The following BCAT1 variants were observed in gnomAD, a reference collection of about 807,000 sequenced individuals.
BCAT1 encodes branched chain amino acid transaminase 1.
BCAT1 carries 48 observed loss-of-function variants against 52.4 expected under a neutral mutation model. The observed-to-expected ratio is 0.92, with a 90% CI of 0.73 to 1.16. The LOEUF is 1.16. BCAT1 is among the 50% of genes most tolerant of loss of function. The pLI is 0.00. For synonymous variants in BCAT1, 167 were observed against 161.3 expected (o/e 1.04, Z -0.27); for missense variants, 451 against 457.1 (o/e 0.99, Z 0.12).
chr12:24,865,786 C>T (rs1203133815), intron 5 of BCAT1, among the ~76,000 whole-genome samples: 1 of 152,130 alleles, frequency 6.6e-6, no homozygotes, highest in Non-Finnish European at 1.5e-5. Flanking sequence ...AGTAAGAGAC[C>T]AAATTTAATT....
At chr12:24,835,551 TTTTATTTATTTATTTA>T (rs67156404) in intron 8 of BCAT1, among the ~76,000 whole-genome samples, 31,519 of 146,488 alleles carry the variant, frequency 0.22, 4,132 homozygotes, top group Non-Finnish European at 0.3. Flanking sequence ...TTAAATTTTA[TTTTATTTATTTATTTA>T]TTTATTTATT....
intron 1 of BCAT1, among the ~76,000 whole-genome samples, chr12:24,909,589 C>T (rs1348199367): frequency 1.3e-5 from 2 of 152,144 alleles, no homozygotes; most frequent in African/African-American, 4.8e-5. Context: ...GAGAATCCTA[C>T]CTTTCTTCTT....
intron 1 of BCAT1, among the ~76,000 whole-genome samples, chr12:24,947,741 GA>G: frequency 6.6e-6 from 1 of 152,176 alleles, no homozygotes; most frequent in Non-Finnish European, 1.5e-5. Context: ...ACATGGACAG[GA>G]AAAAGCTGGA....
chr12:24,885,846 T>C (rs1176373734), intron 3 of BCAT1, among the ~76,000 whole-genome samples: 2 of 152,080 alleles, frequency 1.3e-5, no homozygotes, highest in Non-Finnish European at 2.9e-5. Context: ...AAAAAATAAA[T>C]TGGGCCCTTA....
intron 10 of BCAT1, 74 bp from the exon 11 acceptor site, chr12:24,818,123 T>C: frequency 4.8e-6 from 7 of 1,455,834 alleles, no homozygotes; most frequent in Non-Finnish European, 6.7e-6. Context: ...ACAAACTTAA[T>C]ACCGCCAAGG....
intron 5 of BCAT1, among the ~76,000 whole-genome samples, chr12:24,859,384 G>A (rs2139509021): frequency 6.6e-6 from 1 of 152,266 alleles, no homozygotes. Context: ...ACTTTGGGAG[G>A]CTGAGGCGGG....
At chr12:24,900,761 A>G (rs933974547) in intron 2 of BCAT1, among the ~76,000 whole-genome samples, 4 of 152,126 alleles carry the variant, frequency 2.6e-5, no homozygotes, top group African/African-American at 9.7e-5. Flanking sequence ...TGATAACCCC[A>G]TCTCTACTAA....
At chr12:24,888,157 A>G (rs1365601400) in intron 3 of BCAT1, among the ~76,000 whole-genome samples, 1 of 152,162 alleles carries the variant, frequency 6.6e-6, no homozygotes. Flanking sequence ...AATATTTGGG[A>G]AGAAACTCTT....
intron 5 of BCAT1, among the ~76,000 whole-genome samples, chr12:24,864,189 A>G (rs183244978): frequency 1.3e-5 from 2 of 152,334 alleles, no homozygotes; most frequent in Non-Finnish European, 2.9e-5. Flanking sequence ...AGAAAATGCT[A>G]CAGGATGGTT....
intron 1 of BCAT1, among the ~76,000 whole-genome samples, chr12:24,921,639 C>A (rs562373855): frequency 6.6e-6 from 1 of 152,302 alleles, no homozygotes; most frequent in African/African-American, 2.4e-5. Context: ...CTTTGAATTA[C>A]TTAATAAAAC....
At chr12:24,868,923 A>G (rs1366549337) in intron 5 of BCAT1, among the ~76,000 whole-genome samples, 1 of 152,234 alleles carries the variant, frequency 6.6e-6, no homozygotes. Context: ...GCCATAGACT[A>G]GGAAGTTATT....
At position 24,857,068 on chromosome 12, in the gene BCAT1, CTG is replaced by C. The variant is rs144988743; in HGVS notation, c.511-7121_511-7120del. Reference sequence around the variant, plus strand: ...CTCCTTCTCGGAGGAGCAATGGAGACTGTGCAGTACTGCAGCTCAGTAACTAA... The same window carrying C: ...CTCCTTCTCGGAGGAGCAATGGAGACTGCAGTACTGCAGCTCAGTAACTAA... On this transcript the variant is annotated intron_variant, in intron 5 of 10. Coordinates refer to ENST00000261192, the MANE Select transcript of BCAT1 (RefSeq NM_005504.7). Among the ~76,000 whole-genome samples, 74 of 152,314 alleles carry C rather than the reference CTG, an allele frequency of 4.9e-4. No individual in the cohort carries two copies. The East Asian group carries it at 0.014, about 29-fold the overall frequency.
chr12:24,853,369 C>G (rs140271252), intron 5 of BCAT1, among the ~76,000 whole-genome samples: 2 of 152,108 alleles, frequency 1.3e-5, no homozygotes, highest in African/African-American at 4.8e-5. Flanking sequence ...AAATATCACA[C>G]GTCCGCACTT....
At chr12:24,885,376 T>C (rs1406902335) in intron 3 of BCAT1, among the ~76,000 whole-genome samples, 1 of 152,132 alleles carries the variant, frequency 6.6e-6, no homozygotes, top group African/African-American at 2.4e-5. Flanking sequence ...TATAAAACTT[T>C]ACCAAGTTAT....
intron 8 of BCAT1, among the ~76,000 whole-genome samples, chr12:24,835,592 T>TTTAA (rs1203420352): frequency 1.2e-4 from 17 of 140,496 alleles, no homozygotes; most frequent in African/African-American, 4.2e-4. Flanking sequence ...TATTTATTTA[T>TTTAA]TTAATTTACT....
At chr12:24,842,447 A>C (rs1473864431) in intron 6 of BCAT1, among the ~76,000 whole-genome samples, 1 of 152,248 alleles carries the variant, frequency 6.6e-6, no homozygotes, top group Non-Finnish European at 1.5e-5. Flanking sequence ...AACAACGTGA[A>C]ACCTTGAAAT....
At chr12:24,899,103 C>T (rs762441518) in intron 2 of BCAT1, among the ~76,000 whole-genome samples, 2 of 152,148 alleles carry the variant, frequency 1.3e-5, no homozygotes, top group Non-Finnish European at 2.9e-5. Flanking sequence ...AAATAGATGG[C>T]TGACCTCTTG....
rs1192706211 is a variant in BCAT1 at position 24,894,299 on chromosome 12, T to C, written c.255A>G (p.Ser85=). The change falls in exon 3 of 11, where the codon TCA becomes TCG. Residue 85 remains serine (S), a synonymous_variant. Transcript: ENST00000261192. ...PLQNLSLHPG[S]SALHYAVELF... is the part of the protein sequence containing the mutation. ...CTTCCACTGCATAGTGCAAAGCTGA[T>C]GAGCCAGGGTGCAATGACAGGTTCT... 1 of 1,613,610 alleles carries C rather than the reference T, an allele frequency of 6.2e-7. No homozygotes were observed. Among genetic ancestry groups the C allele is most frequent in the Non-Finnish European group, 8.5e-7 (1 of 1,179,540 alleles).
intron 2 of BCAT1, among the ~76,000 whole-genome samples, chr12:24,898,609 C>T (rs967952367): frequency 3.4e-5 from 5 of 149,048 alleles, no homozygotes; most frequent in African/African-American, 4.9e-5. Flanking sequence ...TCCGCCTCCC[C>T]GGTTCAAGCA....
Sources: allele counts gnomAD v4.1 joint callset (sites outside exome capture counted in the v4.1 genomes callset), GRCh38; gene constraint gnomAD v4.1.1; transcripts MANE v1.5; gene names NCBI Gene and HGNC (gene_info 2026-07-23, HGNC 2026-07-21).